The following NEBL variants were observed in gnomAD, a reference collection of about 807,000 sequenced individuals.
NEBL encodes the protein LIM and SH3 protein 2.
Under a neutral mutation model 140.2 loss-of-function variants are expected in NEBL, and 122 were observed. The ratio of observed to expected loss-of-function variants is 0.87; its 90% CI spans 0.75 to 1.01. The LOEUF (loss-of-function observed/expected upper bound fraction) is 1.01. Among genes scored for constraint, NEBL ranks in the 50% least tolerant of loss-of-function variants. The pLI, the probability that NEBL is intolerant of heterozygous loss-of-function variation, is 0.00. For synonymous variants in NEBL, 436 were observed against 398.9 expected (o/e 1.09, Z -1.11); for missense variants, 1,365 against 1,231.3 (o/e 1.11, Z -1.62).
intron 2 of NEBL, among the ~76,000 whole-genome samples, chr10:21,157,441 G>A (rs942387665): frequency 2.0e-5 from 3 of 152,004 alleles, no homozygotes; most frequent in Admixed American, 6.6e-5. Context: ...ATGGTGGCAC[G>A]TGCCTGAAAG....
intron 2 of NEBL, among the ~76,000 whole-genome samples, chr10:21,075,018 C>G (rs2131916052): frequency 6.6e-6 from 1 of 151,828 alleles, no homozygotes; most frequent in Non-Finnish European, 1.5e-5. Flanking sequence ...GTTGCCCAAG[C>G]TGGTCTCAAA....
rs537737492 is a variant in NEBL at position 21,168,809 on chromosome 10, G to A, written c.164+3574C>T. 4.5e-3 allele frequency among the ~76,000 whole-genome samples: 681 copies of A among 151,738 alleles called. 4 individuals carry two copies. Among genetic ancestry groups the A allele is most frequent in the Non-Finnish European group, 7.2e-3 (489 of 67,926 alleles). ...CATGCCTGTAATCTCAGCACTTTGG[G>A]AGGCTGAGGCGGGTGGATCACAAGG... On this transcript the variant is annotated intron_variant, in intron 2 of 6. Coordinates refer to the NEBL transcript ENST00000417816.
At chr10:20,906,583 C>T (rs183332609) in intron 4 of NEBL, among the ~76,000 whole-genome samples, 50 of 151,992 alleles carry the variant, frequency 3.3e-4, no homozygotes, top group African/African-American at 1.1e-3. Context: ...ACTAGTTTAA[C>T]GTATATTGGG....
chr10:21,057,334 T>C (rs1245230535), intron 2 of NEBL, among the ~76,000 whole-genome samples: 1 of 151,632 alleles, frequency 6.6e-6, no homozygotes, highest in African/African-American at 2.4e-5. Flanking sequence ...AGATGCAGCA[T>C]CTCAGGTAAA....
At chr10:21,138,636 ATGTT>A (rs2132089280) in intron 2 of NEBL, among the ~76,000 whole-genome samples, 2 of 152,254 alleles carry the variant, frequency 1.3e-5, no homozygotes, top group East Asian at 3.9e-4. Flanking sequence ...TCCAGGTGCT[ATGTT>A]ATGTGTTCCA....
intron 2 of NEBL, among the ~76,000 whole-genome samples, chr10:21,063,119 G>T (rs576743385): frequency 6.6e-6 from 1 of 152,260 alleles, no homozygotes; most frequent in South Asian, 2.1e-4. Flanking sequence ...AACTGCGGGT[G>T]CTCCATTGCT....
At position 20,889,853 on chromosome 10, in the gene NEBL, T is replaced by C. The variant is rs759094054; in HGVS notation, c.250A>G (p.Ile84Val). Residue 84 changes from isoleucine (I) to valine (V), a missense_variant, in exon 3 of 28, where the codon ATT becomes GTT. By Grantham distance (29) the Ile-to-Val change is conservative. Coordinates refer to ENST00000377122, the MANE Select transcript of NEBL (RefSeq NM_006393.3). ...LNHVKNIGAF[I>V]SEAKYKGTIK... is the part of the protein sequence containing the mutation. The stretch of plus-strand genomic sequence containing the variant: ...AGCTTTTGATACCTTACCTCAGAAA[T>C]AAAAGCACCGATATTTTTTACATGG... 2 of 1,605,634 alleles carry C rather than the reference T, an allele frequency of 1.2e-6. No homozygotes were observed. The highest frequency in any genetic ancestry group is 1.7e-6 in the Non-Finnish European group (2 of 1,172,342).
intron 2 of NEBL, among the ~76,000 whole-genome samples, chr10:21,094,977 G>A (rs1837115426): frequency 6.6e-6 from 1 of 152,194 alleles, no homozygotes; most frequent in Non-Finnish European, 1.5e-5. Flanking sequence ...GGGATCCAAA[G>A]TGTAGGTGTG....
intron 3 of NEBL, among the ~76,000 whole-genome samples, chr10:21,238,720 A>T (rs1842395984): frequency 5.1e-5 from 4 of 77,700 alleles, no homozygotes; most frequent in African/African-American, 3.5e-4. Context: ...AAAAATTAAA[A>T]AAAAAAAAAA....
At chr10:21,260,319 A>G (rs1318059742) in intron 1 of NEBL, among the ~76,000 whole-genome samples, 1 of 152,182 alleles carries the variant, frequency 6.6e-6, no homozygotes, top group African/African-American at 2.4e-5. Context: ...GGCTCTGGAG[A>G]AAGCCCAGGG....
At chr10:20,910,291 T>C (rs1169370554) in intron 4 of NEBL, among the ~76,000 whole-genome samples, 1 of 152,220 alleles carries the variant, frequency 6.6e-6, no homozygotes, top group African/African-American at 2.4e-5. Context: ...CTTTATAGTA[T>C]TTATCTGCCA....
chr10:21,088,028 A>G (rs1471491796), intron 2 of NEBL, among the ~76,000 whole-genome samples: 2 of 152,224 alleles, frequency 1.3e-5, no homozygotes, highest in African/African-American at 4.8e-5. Context: ...TGTACAAACA[A>G]CATGGAACAA....
At chr10:21,092,586 TTAA>T (rs4025883) in intron 2 of NEBL, among the ~76,000 whole-genome samples, 32,975 of 141,854 alleles carry the variant, frequency 0.23, 3,957 homozygotes, top group Admixed American at 0.29. Flanking sequence ...CCTCTATAAT[TTAA>T]TAATAATAAT....
intron 3 of NEBL, among the ~76,000 whole-genome samples, chr10:21,223,190 C>G (rs1425168227): frequency 2.6e-5 from 4 of 152,166 alleles, no homozygotes; most frequent in Non-Finnish European, 5.9e-5. Context: ...TCCCACTTTC[C>G]CCCATCCCTG....
intron 2 of NEBL, among the ~76,000 whole-genome samples, chr10:21,064,988 G>C (rs1320541242): frequency 6.6e-6 from 1 of 152,116 alleles, no homozygotes; most frequent in Non-Finnish European, 1.5e-5. Context: ...ACTGGTTTTA[G>C]GGAAGGTGTG....
chr10:20,809,925 C>T (rs1837967404), intron 24 of NEBL, 27 bp from the exon 25 acceptor site: 1 of 1,193,656 alleles, frequency 8.4e-7, no homozygotes, highest in Non-Finnish European at 1.2e-6. Context: ...GAAATCAACA[C>T]TCATCAAGAA....
At chr10:21,182,919 T>C (rs980556621) in intron 3 of NEBL, among the ~76,000 whole-genome samples, 4 of 152,236 alleles carry the variant, frequency 2.6e-5, no homozygotes, top group African/African-American at 7.2e-5. Context: ...TTTATATTTA[T>C]AGCGCCTCTC....
upstream of NEBL, chr10:20,899,697 T>G (rs1847765779): frequency 3.7e-6 from 1 of 270,810 alleles, no homozygotes; most frequent in Admixed American, 5.1e-5. Flanking sequence ...AGAACCTAAC[T>G]AGAGACCTGT....
At chr10:20,938,317 C>T (rs943898945) in intron 4 of NEBL, among the ~76,000 whole-genome samples, 5 of 152,170 alleles carry the variant, frequency 3.3e-5, no homozygotes, top group Non-Finnish European at 5.9e-5. Flanking sequence ...CTGCTGATAC[C>T]CAGGGAAACA....
Sources: gnomAD v4.1 joint callset for allele counts (sites outside exome capture counted in the v4.1 genomes callset) on GRCh38, gnomAD v4.1.1 for gene constraint, MANE v1.5 for transcripts, NCBI Gene and HGNC (gene_info 2026-07-23, HGNC 2026-07-21) for gene names.